Variants in NCOA2 observed in about 807,000 individuals in gnomAD.
NCOA2 encodes the protein nuclear receptor coactivator 2, also known as class E basic helix-loop-helix protein 75.
A neutral mutation model predicts 145.1 loss-of-function variants in NCOA2; 21 were observed. The ratio of observed to expected loss-of-function variants is 0.14; its 90% confidence interval spans 0.10 to 0.21. The LOEUF (loss-of-function observed/expected upper bound fraction) is 0.21, where lower values mean the gene tolerates loss of function less well. Among genes scored for constraint, NCOA2 ranks in the 10% least tolerant of loss-of-function variants. The probability of loss-of-function intolerance (pLI) is 1.00; values close to 1 mark genes in which losing one functional copy is unlikely to be tolerated. For synonymous variants in NCOA2, 619 were observed against 637.5 expected, an observed-to-expected ratio of 0.97 and a Z score of 0.44; for missense variants, 1,472 against 1,837.6, an observed-to-expected ratio of 0.80 and a Z score of 3.64.
intron 1 of NCOA2, among the ~76,000 whole-genome samples, chr8:70,393,392 T>C (rs552127793): frequency 2.4e-4 from 37 of 152,296 alleles, no homozygotes; most frequent in Non-Finnish European, 4.7e-4. Context: ...TCCTGAATTG[T>C]ACAATTGTAG....
chr8:70,282,575 C>A (rs948106742), intron 2 of NCOA2, among the ~76,000 whole-genome samples: 1 of 151,886 alleles, frequency 6.6e-6, no homozygotes, highest in Non-Finnish European at 1.5e-5. Flanking sequence ...GTAATCCCAG[C>A]TACTCGGGAG....
At chr8:70,436,896 A>T in the NCOA2 span, among the ~76,000 whole-genome samples, 1 of 152,196 alleles carries the variant, frequency 6.6e-6, no homozygotes, top group Non-Finnish European at 1.5e-5. Flanking sequence ...AGCTGAGGGG[A>T]TTGGGAAATG....
At chr8:70,381,581 T>C (rs1437226447) in intron 1 of NCOA2, among the ~76,000 whole-genome samples, 2 of 152,220 alleles carry the variant, frequency 1.3e-5, no homozygotes, top group Admixed American at 6.5e-5. Context: ...AGCAGGTGAA[T>C]TGGGATTGTT....
intron 19 of NCOA2, among the ~76,000 whole-genome samples, chr8:70,125,626 A>C (rs1808328134): frequency 6.6e-6 from 1 of 152,240 alleles, no homozygotes; most frequent in African/African-American, 2.4e-5. Context: ...ATTTGAATAA[A>C]TTTATATTAA....
intron 4 of NCOA2, among the ~76,000 whole-genome samples, chr8:70,181,393 A>G (rs534873870): frequency 1.3e-4 from 20 of 152,322 alleles, no homozygotes; most frequent in African/African-American, 4.6e-4. Context: ...AAATTAGTCT[A>G]TCTTCAAAAA....
At chr8:70,447,677 G>GTTTTTTT in the NCOA2 span, among the ~76,000 whole-genome samples, 2 of 94,662 alleles carry the variant, frequency 2.1e-5, no homozygotes, top group Non-Finnish European at 4.0e-5. Context: ...TTAGGTCTTT[G>GTTTTTTT]TTTTCTTTTT....
chr8:70,287,256 A>T (rs7005561), intron 2 of NCOA2, among the ~76,000 whole-genome samples: 2,312 of 151,258 alleles, frequency 0.015, 65 homozygotes, highest in African/African-American at 0.054. Context: ...AAAATATATT[A>T]ATTAATTAAT....
intron 2 of NCOA2, among the ~76,000 whole-genome samples, chr8:70,293,461 A>G (rs2135702880): frequency 6.6e-6 from 1 of 152,200 alleles, no homozygotes; most frequent in East Asian, 1.9e-4. Flanking sequence ...CACAACAACA[A>G]AGTAAACTGG....
At chr8:70,232,974 C>G (rs1760042393) in intron 2 of NCOA2, among the ~76,000 whole-genome samples, 1 of 152,028 alleles carries the variant, frequency 6.6e-6, no homozygotes, top group Non-Finnish European at 1.5e-5. Context: ...TGCCTGTAAT[C>G]CCAGCACTTT....
At position 70,156,914 on chromosome 8, in the gene NCOA2, G is replaced by C. The variant is rs1182018522; in HGVS notation, c.1451C>G (p.Ser484Cys). Residue 484 changes from serine to cysteine, a missense_variant, in exon 11 of 23, where the codon TCC (serine) becomes TGC (cysteine). Ser to Cys is a moderately radical substitution (Grantham distance 112, BLOSUM62 -1). Transcript: ENST00000452400. ...CATGCGATGCCTTGGTGAAAGCATG[G>C]AGGTGGGCTGTCCTGGATTCATGCC... ...SPGMNPGQPT[S>C]MLSPRHRMSP... 1 of 1,614,020 alleles carries C rather than the reference G, an allele frequency of 6.2e-7. No individual in the cohort carries two copies. The highest frequency in any genetic ancestry group is 1.7e-5 in the Admixed American group (1 of 60,018).
intron 2 of NCOA2, among the ~76,000 whole-genome samples, chr8:70,227,735 C>A (rs1820779201): frequency 6.6e-6 from 1 of 152,100 alleles, no homozygotes; most frequent in Non-Finnish European, 1.5e-5. Context: ...CCAAATTAGG[C>A]CGGGTGCAGT....
At chr8:70,283,782 C>T (rs563669234) in intron 2 of NCOA2, among the ~76,000 whole-genome samples, 4 of 152,088 alleles carry the variant, frequency 2.6e-5, no homozygotes, top group South Asian at 2.1e-4. Context: ...GCATTGCACT[C>T]GCTAGTTGGC....
chr8:70,408,729 G>C (rs1357162311), upstream of NCOA2, among the ~76,000 whole-genome samples: 1 of 150,632 alleles, frequency 6.6e-6, no homozygotes, highest in Non-Finnish European at 1.5e-5. Flanking sequence ...CTGCAGCCCT[G>C]ACCTCCCTAA....
At chr8:70,190,803 C>T (rs1177056917) in intron 4 of NCOA2, among the ~76,000 whole-genome samples, 1 of 152,066 alleles carries the variant, frequency 6.6e-6, no homozygotes, top group Non-Finnish European at 1.5e-5. Context: ...TTGCAGTAAG[C>T]TGAGATCACC....
chr8:70,322,343 A>T (rs545309831), intron 1 of NCOA2, among the ~76,000 whole-genome samples: 164 of 152,336 alleles, frequency 1.1e-3, no homozygotes, highest in African/African-American at 3.8e-3. Context: ...ATAAATATTT[A>T]CTGATATTTC....
chr8:70,122,215 T>C (rs918174850), intron 21 of NCOA2, among the ~76,000 whole-genome samples: 5 of 152,130 alleles, frequency 3.3e-5, no homozygotes, highest in Admixed American at 6.5e-5. Flanking sequence ...CATTTCTCCA[T>C]TGAAGAAATA....
chr8:70,184,430 G>A (rs1157233168), intron 4 of NCOA2, among the ~76,000 whole-genome samples: 1 of 152,168 alleles, frequency 6.6e-6, no homozygotes, highest in African/African-American at 2.4e-5. Flanking sequence ...GGGGAGCCAG[G>A]ATAAAAGAGC....
intron 1 of NCOA2, among the ~76,000 whole-genome samples, chr8:70,302,421 TA>T (rs1417860250): frequency 1.3e-5 from 2 of 152,156 alleles, no homozygotes; most frequent in African/African-American, 4.8e-5. Flanking sequence ...TTTCTCTGTT[TA>T]AAAGGCTATA....
chr8:70,450,991 G>GGAT, the NCOA2 span, among the ~76,000 whole-genome samples: 1 of 150,582 alleles, frequency 6.6e-6, no homozygotes, highest in Non-Finnish European at 1.5e-5. Context: ...TGAGTAGGGC[G>GGAT]GATCACTTGA....
Sources: allele counts gnomAD v4.1 joint callset (sites outside exome capture counted in the v4.1 genomes callset), GRCh38; gene constraint gnomAD v4.1.1; transcripts MANE v1.5; gene names NCBI Gene and HGNC (gene_info 2026-07-23, HGNC 2026-07-21).